The following MICU1 variants were observed in gnomAD, a reference collection of about 807,000 sequenced individuals.
The protein encoded by MICU1 is mitochondrial calcium uptake 1, also known as calcium uptake protein 1, mitochondrial.
MICU1 carries 45 observed loss-of-function variants against 56.8 expected under a neutral mutation model. That is an observed-to-expected ratio of 0.79 (90% CI 0.62 to 1.02). The LOEUF (loss-of-function observed/expected upper bound fraction) is 1.02, where lower values mean the gene tolerates loss of function less well. Ranked by LOEUF, MICU1 falls within the 50% of genes least tolerant of loss-of-function variation. The probability of loss-of-function intolerance (pLI) is 0.00; values close to 1 mark genes in which losing one functional copy is unlikely to be tolerated. For missense variants in MICU1, 504 were observed against 587.1 expected (o/e 0.86, Z 1.46); for synonymous variants, 186 against 195.1 (o/e 0.95, Z 0.39).
chr10:72,600,593 G>A (rs1564956524), intron 1 of MICU1, among the ~76,000 whole-genome samples: 1 of 145,136 alleles, frequency 6.9e-6, no homozygotes, highest in East Asian at 2.0e-4. Context: ...AGGTTTCAGT[G>A]AGCCAAGATC....
chr10:72,534,370 T>C (rs1189616626), intron 4 of MICU1, among the ~76,000 whole-genome samples: 3 of 152,228 alleles, frequency 2.0e-5, no homozygotes, highest in Admixed American at 2.0e-4. Flanking sequence ...AGGGCAGGGA[T>C]AGTTTTGTCT....
At chr10:72,573,143 A>G (rs1364651249) in intron 1 of MICU1, among the ~76,000 whole-genome samples, 2 of 152,036 alleles carry the variant, frequency 1.3e-5, no homozygotes, top group African/African-American at 2.4e-5. Flanking sequence ...AACTTTATGT[A>G]AAAACATGAA....
chr10:72,369,091 A>G (rs961264625), intron 11 of MICU1, among the ~76,000 whole-genome samples: 3 of 152,018 alleles, frequency 2.0e-5, no homozygotes, highest in African/African-American at 7.2e-5. Flanking sequence ...CAGCCTAGAC[A>G]ATATAGCGAG....
At chr10:72,508,113 G>T in intron 6 of MICU1, 42 bp downstream of exon 6, 1 of 985,882 alleles carries the variant, frequency 1.0e-6, no homozygotes, top group Non-Finnish European at 1.5e-6. Flanking sequence ...TTATAGTCCT[G>T]TATCTGCTCT....
At chr10:72,522,344 A>C (rs975318028) in intron 5 of MICU1, among the ~76,000 whole-genome samples, 1 of 152,182 alleles carries the variant, frequency 6.6e-6, no homozygotes. Flanking sequence ...ATGGTTAGTC[A>C]TGTTTATGTT....
intron 5 of MICU1, among the ~76,000 whole-genome samples, chr10:72,521,872 C>CAT (rs140083428): frequency 2.6e-5 from 4 of 151,332 alleles, no homozygotes; most frequent in Non-Finnish European, 5.9e-5. Context: ...TACAGGTGCA[C>CAT]TTTTTTTTTA....
At chr10:72,587,781 CATAA>C (rs1261263052) in intron 1 of MICU1, among the ~76,000 whole-genome samples, 1 of 151,656 alleles carries the variant, frequency 6.6e-6, no homozygotes, top group Non-Finnish European at 1.5e-5. Flanking sequence ...GAGACTCTAT[CATAA>C]ATAAATAAAT....
Position 72,533,728 on chromosome 10 carries a change from G to T in MICU1, c.537+18C>A. 1 of 1,573,248 alleles carries T rather than the reference G, an allele frequency of 6.4e-7. No homozygotes were observed. On this transcript the variant is annotated intron_variant, in intron 5 of 11. Coordinates refer to ENST00000361114, the MANE Select transcript of MICU1 (RefSeq NM_001195518.2). ...TAAATGATAGGATATATGTATAGAA[G>T]TGTCATAGTTTGCTCACCTTTCCAT...
intron 8 of MICU1, among the ~76,000 whole-genome samples, chr10:72,439,247 T>C (rs1007779058): frequency 2.2e-4 from 33 of 152,128 alleles, no homozygotes; most frequent in African/African-American, 8.0e-4. Context: ...TGGTTCAACA[T>C]ACACAAATCA....
intron 1 of MICU1, among the ~76,000 whole-genome samples, chr10:72,567,152 C>T (rs186094624): frequency 1.9e-3 from 289 of 151,992 alleles, no homozygotes; most frequent in Non-Finnish European, 3.4e-3. Flanking sequence ...AGTTGAAGAA[C>T]GGCCTGGACA....
chr10:72,528,478 A>T (rs1446465766), intron 5 of MICU1, among the ~76,000 whole-genome samples: 1 of 152,196 alleles, frequency 6.6e-6, no homozygotes, highest in Non-Finnish European at 1.5e-5. Flanking sequence ...AAGAATTTCC[A>T]CTTGAGTGGT....
chr10:72,595,783 G>A (rs1041867365), intron 1 of MICU1, among the ~76,000 whole-genome samples: 1 of 152,032 alleles, frequency 6.6e-6, no homozygotes, highest in African/African-American at 2.4e-5. Flanking sequence ...CTTCTCACAC[G>A]CTACCACTGG....
chr10:72,464,712 C>G (rs536781612), intron 8 of MICU1, among the ~76,000 whole-genome samples: 1 of 152,242 alleles, frequency 6.6e-6, no homozygotes, highest in East Asian at 1.9e-4. Context: ...TTAAGCAATA[C>G]ATAACTATAT....
intron 8 of MICU1, among the ~76,000 whole-genome samples, chr10:72,450,579 T>C (rs1290171818): frequency 6.6e-6 from 1 of 152,154 alleles, no homozygotes; most frequent in East Asian, 1.9e-4. Flanking sequence ...TGTGGTTGCA[T>C]GGCTTTCTCA....
chr10:72,624,729 CACTT>C (rs761426817), intron 1 of MICU1, among the ~76,000 whole-genome samples: 1 of 152,122 alleles, frequency 6.6e-6, no homozygotes, highest in Non-Finnish European at 1.5e-5. Flanking sequence ...ATGTCAGAGA[CACTT>C]GCTTGATATA....
At chr10:72,462,155 C>T (rs756151391) in intron 8 of MICU1, among the ~76,000 whole-genome samples, 15 of 152,002 alleles carry the variant, frequency 9.9e-5, no homozygotes, top group South Asian at 2.1e-4. Context: ...ACAATGGTCC[C>T]ACTTAACAAT....
chr10:72,561,782 G>C (rs1166946805), intron 3 of MICU1, among the ~76,000 whole-genome samples: 1 of 152,192 alleles, frequency 6.6e-6, no homozygotes, highest in Non-Finnish European at 1.5e-5. Context: ...TTGCACTCTA[G>C]CCTGGGCAAC....
chr10:72,530,442 C>T (rs1277966041), intron 5 of MICU1, among the ~76,000 whole-genome samples: 1 of 151,366 alleles, frequency 6.6e-6, no homozygotes, highest in Non-Finnish European at 1.5e-5. Flanking sequence ...TTTCAAATGT[C>T]TTCTAAGAGA....
At chr10:72,520,101 CT>C (rs764624588) in intron 5 of MICU1, among the ~76,000 whole-genome samples, 3 of 152,118 alleles carry the variant, frequency 2.0e-5, no homozygotes, top group African/African-American at 7.2e-5. Flanking sequence ...TGATAATATG[CT>C]TCTTCTGGAA....
Sources: allele counts gnomAD v4.1 joint callset (sites outside exome capture counted in the v4.1 genomes callset), GRCh38; gene constraint gnomAD v4.1.1; transcripts MANE v1.5; gene names NCBI Gene and HGNC (gene_info 2026-07-23, HGNC 2026-07-21).